Variants in MKLN1 observed in about 807,000 individuals in gnomAD.
The protein encoded by MKLN1 is muskelin 1.
A neutral mutation model predicts 99.0 loss-of-function variants in MKLN1; 18 were observed. The observed-to-expected ratio is 0.18, with a 90% confidence interval of 0.13 to 0.27. The LOEUF (loss-of-function observed/expected upper bound fraction) is 0.27. Ranked by LOEUF, MKLN1 falls within the 10% of genes least tolerant of loss-of-function variation. MKLN1 has a pLI of 1.00. For missense variants in MKLN1, 621 were observed against 875.9 expected (o/e 0.71, Z 3.67); for synonymous variants, 288 against 293.2 (o/e 0.98, Z 0.18).
At chr7:131,445,707 G>A (rs945736834) in intron 11 of MKLN1, 67 bp from the exon 12 acceptor site, 3 of 1,364,020 alleles carry the variant, frequency 2.2e-6, no homozygotes, top group African/African-American at 2.9e-5. Context: ...AGTTTTTAAA[G>A]GATCATTCTG....
intron 2 of MKLN1, among the ~76,000 whole-genome samples, chr7:131,144,671 T>G (rs1795791718): frequency 6.6e-6 from 1 of 151,544 alleles, no homozygotes; most frequent in South Asian, 2.1e-4. Context: ...TTGTTTGTTT[T>G]TTTCTTTTTA....
intron 15 of MKLN1, among the ~76,000 whole-genome samples, chr7:131,468,031 G>A (rs566342351): frequency 6.6e-6 from 1 of 152,306 alleles, no homozygotes; most frequent in East Asian, 1.9e-4. Context: ...GAAGAGTGAA[G>A]GGTTGCTGGG....
intron 2 of MKLN1, among the ~76,000 whole-genome samples, chr7:131,181,734 A>T (rs1393889143): frequency 1.3e-5 from 2 of 148,958 alleles, no homozygotes; most frequent in Non-Finnish European, 3.0e-5. Flanking sequence ...ATCTCAGCTC[A>T]CTGCACCCTC....
At chr7:131,360,411 A>C (rs1799995877) in intron 1 of MKLN1, among the ~76,000 whole-genome samples, 1 of 151,880 alleles carries the variant, frequency 6.6e-6, no homozygotes, top group African/African-American at 2.4e-5. Context: ...ATGGACATTG[A>C]TTGTGATTTT....
chr7:131,244,159 A>G lies in MKLN1; in HGVS notation c.-179+41185A>G, dbSNP rs189725913. On this transcript the variant is annotated intron_variant, in intron 3 of 7. Coordinates refer to the MKLN1 transcript ENST00000416992. ...TTTCCCTCTACTCCCCAGGGACCTG[A>G]TGACCATTAATGCCTATTGAGTTAG... Among the ~76,000 whole-genome samples, 53 of 152,306 alleles carry G rather than the reference A, an allele frequency of 3.5e-4. 1 individual carries two copies. The highest frequency in any genetic ancestry group is 1.2e-3 in the African/African-American group (48 of 41,560).
At chr7:131,458,002 G>A (rs913662889) in intron 12 of MKLN1, among the ~76,000 whole-genome samples, 11 of 152,240 alleles carry the variant, frequency 7.2e-5, no homozygotes, top group African/African-American at 1.7e-4. Flanking sequence ...TCAGATTGGC[G>A]AAAGAGCTCA....
chr7:131,131,660 G>A (rs1490817513), intron 1 of MKLN1, among the ~76,000 whole-genome samples: 3 of 152,114 alleles, frequency 2.0e-5, no homozygotes, highest in African/African-American at 4.8e-5. Context: ...GGTTTCAGAA[G>A]CCATATGCTT....
chr7:131,201,196 T>C (rs1796722496), intron 2 of MKLN1, among the ~76,000 whole-genome samples: 2 of 152,180 alleles, frequency 1.3e-5, no homozygotes, highest in East Asian at 3.8e-4. Flanking sequence ...ACTTTTGTAT[T>C]TTTAGTAGAA....
intron 3 of MKLN1, among the ~76,000 whole-genome samples, chr7:131,293,879 G>C (rs1798255116): frequency 6.6e-6 from 1 of 152,126 alleles, no homozygotes; most frequent in African/African-American, 2.4e-5. Flanking sequence ...GTTCTTGATA[G>C]TCTAGAACAG....
intron 1 of MKLN1, among the ~76,000 whole-genome samples, chr7:131,134,405 T>C (rs1795616743): frequency 6.6e-6 from 1 of 152,114 alleles, no homozygotes; most frequent in Admixed American, 6.6e-5. Context: ...GCCCCCAAGA[T>C]ATCCTATTTA....
chr7:131,356,615 C>G (rs1030038064), intron 1 of MKLN1, among the ~76,000 whole-genome samples: 6 of 152,098 alleles, frequency 3.9e-5, no homozygotes, highest in African/African-American at 1.4e-4. Flanking sequence ...CCGGCCAGGC[C>G]CAAGGGAGAC....
chr7:131,415,396 G>A (rs182860893), intron 8 of MKLN1, among the ~76,000 whole-genome samples: 17 of 152,158 alleles, frequency 1.1e-4, no homozygotes, highest in African/African-American at 3.9e-4. Context: ...AACTCATAGT[G>A]CTTCGGGAAT....
intron 1 of MKLN1, among the ~76,000 whole-genome samples, chr7:131,349,199 ATCT>A (rs1433591141): frequency 4.9e-4 from 31 of 62,784 alleles, no homozygotes; most frequent in African/African-American, 2.0e-3. Flanking sequence ...TCTTAAATCT[ATCT>A]TTTTTTTTTT....
At chr7:131,393,362 C>T (rs1372584018) in intron 4 of MKLN1, among the ~76,000 whole-genome samples, 1 of 152,198 alleles carries the variant, frequency 6.6e-6, no homozygotes, top group Non-Finnish European at 1.5e-5. Flanking sequence ...CCAAAAATCA[C>T]TGGCGTTTGA....
At chr7:131,247,939 C>T (rs1485362276) in intron 3 of MKLN1, among the ~76,000 whole-genome samples, 2 of 151,936 alleles carry the variant, frequency 1.3e-5, no homozygotes, top group Non-Finnish European at 2.9e-5. Flanking sequence ...CACTCTGTCA[C>T]CCAGATTGGA....
intron 1 of MKLN1, among the ~76,000 whole-genome samples, chr7:131,329,828 T>A (rs558156262): frequency 6.0e-4 from 92 of 152,212 alleles, no homozygotes; most frequent in Non-Finnish European, 1.2e-3. Context: ...AAGCAACAAT[T>A]TGAGATTGGA....
At chr7:131,364,591 T>C (rs1425436511) in intron 1 of MKLN1, among the ~76,000 whole-genome samples, 1 of 152,034 alleles carries the variant, frequency 6.6e-6, no homozygotes, top group East Asian at 1.9e-4. Context: ...TAGTACCCAG[T>C]AGTGATCTTT....
intron 17 of MKLN1, among the ~76,000 whole-genome samples, chr7:131,479,797 A>AG (rs1797067560): frequency 1.3e-5 from 2 of 151,826 alleles, no homozygotes; most frequent in South Asian, 4.2e-4. Flanking sequence ...ACTGCACTCC[A>AG]GCCTGGGCGA....
upstream of MKLN1, chr7:131,324,129 C>G (rs1397645189): frequency 6.6e-6 from 1 of 152,128 alleles, no homozygotes; most frequent in African/African-American, 2.4e-5. Context: ...TGCTGTAAGA[C>G]AGAGAGGGAA....
Sources: allele counts gnomAD v4.1 joint callset (sites outside exome capture counted in the v4.1 genomes callset), GRCh38; gene constraint gnomAD v4.1.1; transcripts MANE v1.5; gene names NCBI Gene and HGNC (gene_info 2026-07-23, HGNC 2026-07-21).